CDK6: variants seen among roughly 807,000 people sequenced by gnomAD.
The protein encoded by CDK6 is cyclin-dependent kinase 6.
CDK6 carries 6 observed loss-of-function variants against 37.1 expected under a neutral mutation model. The observed-to-expected ratio is 0.16, with a 90% CI of 0.09 to 0.32. The LOEUF is 0.32. Ranked by LOEUF, CDK6 falls within the 10% of genes least tolerant of loss-of-function variation. The probability of loss-of-function intolerance (pLI) is 1.00; values close to 1 mark genes in which losing one functional copy is unlikely to be tolerated. For missense variants in CDK6, 224 were observed against 418.9 expected, an observed-to-expected ratio of 0.53 and a Z score of 4.06; for synonymous variants, 160 against 161.3, an observed-to-expected ratio of 0.99 and a Z score of 0.06.
intron 4 of CDK6, among the ~76,000 whole-genome samples, chr7:92,713,481 T>C (rs570766321): frequency 6.6e-6 from 1 of 152,208 alleles, no homozygotes; most frequent in Non-Finnish European, 1.5e-5. Flanking sequence ...TACAACTCCA[T>C]TAAAAATGTT....
intron 3 of CDK6, among the ~76,000 whole-genome samples, chr7:92,736,244 A>C (rs558863193): frequency 6.6e-6 from 1 of 152,272 alleles, no homozygotes; most frequent in South Asian, 2.1e-4. Context: ...ATTATGCTTA[A>C]GCACTTTATT....
intron 4 of CDK6, among the ~76,000 whole-genome samples, chr7:92,672,160 T>TATAC (rs1210519115): frequency 0.026 from 2,063 of 79,024 alleles, 90 homozygotes; most frequent in Middle Eastern, 0.069. Flanking sequence ...TATATATATA[T>TATAC]ACACATACAC....
chr7:92,834,518 C>A lies in CDK6; in HGVS notation c.-367-828G>T, dbSNP rs1801592225. Among the ~76,000 whole-genome samples the A allele has an allele frequency of 6.6e-6, 1 of 151,850 alleles. No homozygotes were observed. Among genetic ancestry groups the A allele is most frequent in the South Asian group, 2.1e-4 (1 of 4,810 alleles). ...GTCCTGGGGGAGGGGAGACACCGTC[C>A]CCCACGGGATCCCAAGGGTGGGAGA... On this transcript the variant is annotated intron_variant, in intron 1 of 7. Transcript: ENST00000424848. This position sits in a 1 kb window ranked among gnomAD's most constrained non-coding sequence, Gnocchi z 4.6.
chr7:92,689,123 G>A (rs1255009866), intron 4 of CDK6, among the ~76,000 whole-genome samples: 1 of 152,124 alleles, frequency 6.6e-6, no homozygotes, highest in African/African-American at 2.4e-5. Flanking sequence ...TATGGTTCTT[G>A]CCCTTACAAG....
chr7:92,645,370 A>C (rs1796422098), intron 5 of CDK6, among the ~76,000 whole-genome samples: 1 of 152,212 alleles, frequency 6.6e-6, no homozygotes, highest in South Asian at 2.1e-4. Context: ...TTTTTAAGCT[A>C]TTGTGTTGCC....
intron 2 of CDK6, among the ~76,000 whole-genome samples, chr7:92,781,892 G>A (rs2115818896): frequency 6.6e-6 from 1 of 152,216 alleles, no homozygotes; most frequent in East Asian, 1.9e-4. Context: ...CCAAATTTAT[G>A]TTCACACATC....
chr7:92,775,066 A>G (rs937126553), intron 2 of CDK6, among the ~76,000 whole-genome samples: 3 of 152,218 alleles, frequency 2.0e-5, no homozygotes, highest in African/African-American at 7.2e-5. Flanking sequence ...TATAGTAACA[A>G]TGAGAAAGCA....
chr7:92,622,570 A>T (rs1795826787), intron 6 of CDK6, among the ~76,000 whole-genome samples: 1 of 152,098 alleles, frequency 6.6e-6, no homozygotes, highest in Non-Finnish European at 1.5e-5. Flanking sequence ...TCCAAAGAAA[A>T]ATGAGATGTG....
At chr7:92,661,871 A>G (rs1005201177) in intron 5 of CDK6, among the ~76,000 whole-genome samples, 1 of 152,214 alleles carries the variant, frequency 6.6e-6, no homozygotes, top group African/African-American at 2.4e-5. Flanking sequence ...GGCTCACAGT[A>G]AGTGTGCAAT....
chr7:92,625,522 T>C (rs1331595739), intron 5 of CDK6, among the ~76,000 whole-genome samples: 1 of 144,776 alleles, frequency 6.9e-6, no homozygotes, highest in Non-Finnish European at 1.5e-5. Context: ...ACTTCCTGTA[T>C]GCAGTTTTGC....
chr7:92,655,579 A>G (rs569854354), intron 5 of CDK6, among the ~76,000 whole-genome samples: 86 of 152,246 alleles, frequency 5.6e-4, no homozygotes, highest in Non-Finnish European at 9.8e-4. Flanking sequence ...AATTATTACA[A>G]TTAAATGGTT....
chr7:92,622,087 G>T (rs1426225983), intron 6 of CDK6, among the ~76,000 whole-genome samples: 1 of 149,062 alleles, frequency 6.7e-6, no homozygotes, highest in African/African-American at 2.5e-5. Context: ...ACAGACCAAA[G>T]ATCAGGGCTA....
intron 4 of CDK6, among the ~76,000 whole-genome samples, chr7:92,699,063 G>A (rs946297645): frequency 4.0e-4 from 61 of 152,232 alleles, no homozygotes; most frequent in African/African-American, 1.4e-3. Flanking sequence ...TATATTTTAA[G>A]CATATTATTT....
chr7:92,630,371 G>C (rs1415042124), intron 5 of CDK6, among the ~76,000 whole-genome samples: 1 of 151,752 alleles, frequency 6.6e-6, no homozygotes, highest in Admixed American at 6.6e-5. Flanking sequence ...GATTCTTAAG[G>C]CTGGGAAAGA....
chr7:92,796,788 A>T (rs62466074), intron 2 of CDK6, among the ~76,000 whole-genome samples: 1 of 152,144 alleles, frequency 6.6e-6, no homozygotes, highest in Non-Finnish European at 1.5e-5. Flanking sequence ...TTTTTTTTAA[A>T]TACCACTATC....
intron 2 of CDK6, among the ~76,000 whole-genome samples, chr7:92,800,853 T>C (rs1284045458): frequency 6.6e-6 from 1 of 152,234 alleles, no homozygotes; most frequent in Non-Finnish European, 1.5e-5. Flanking sequence ...GAATGGACTC[T>C]GAGGAAACCT....
chr7:92,711,552 A>AT (rs11285626), intron 4 of CDK6, among the ~76,000 whole-genome samples: 3,329 of 56,630 alleles, frequency 0.059, 306 homozygotes, highest in East Asian at 0.14. Context: ...GAATGGTCAA[A>AT]TTTTTTTTTT....
chr7:92,619,760 C>T (rs759268973), intron 6 of CDK6, among the ~76,000 whole-genome samples: 12 of 151,708 alleles, frequency 7.9e-5, no homozygotes, highest in Non-Finnish European at 1.2e-4. Flanking sequence ...ATCAGGCATA[C>T]TGAGAGAGCT....
intron 2 of CDK6, among the ~76,000 whole-genome samples, chr7:92,809,247 A>C (rs934152553): frequency 2.2e-4 from 34 of 152,230 alleles, no homozygotes; most frequent in African/African-American, 8.2e-4. Context: ...AGGCTTAAAA[A>C]GTTTCAAGGT....
Sources: gnomAD v4.1 joint callset for allele counts (sites outside exome capture counted in the v4.1 genomes callset) on GRCh38, gnomAD v4.1.1 for gene constraint, Gnocchi (gnomAD v3.1) non-coding constraint, MANE v1.5 for transcripts, NCBI Gene and HGNC (gene_info 2026-07-23, HGNC 2026-07-21) for gene names.